Variants in LRRC75A observed in about 807,000 individuals in gnomAD.
The protein encoded by LRRC75A is leucine rich repeat containing 75A.
A neutral mutation model predicts 26.0 loss-of-function variants in LRRC75A; 12 were observed. The observed-to-expected ratio is 0.46, with a 90% confidence interval of 0.30 to 0.75. LRRC75A has a LOEUF of 0.75. Among genes scored for constraint, LRRC75A ranks in the 30% least tolerant of loss-of-function variants. The pLI, the probability that LRRC75A is intolerant of heterozygous loss-of-function variation, is 0.08. For missense variants in LRRC75A, 410 were observed against 486.6 expected (o/e 0.84, Z 1.48); for synonymous variants, 223 against 219.3 (o/e 1.02, Z -0.15).
intron 1 of LRRC75A, among the ~76,000 whole-genome samples, chr17:16,490,219 T>C (rs2093854607): frequency 6.6e-6 from 1 of 152,156 alleles, no homozygotes; most frequent in South Asian, 2.1e-4. Flanking sequence ...AAAGCACCCA[T>C]TGCAGGGTGG....
intron 2 of LRRC75A, among the ~76,000 whole-genome samples, chr17:16,453,343 C>T (rs1443779097): frequency 1.4e-5 from 2 of 141,160 alleles, no homozygotes; most frequent in African/African-American, 5.1e-5. Context: ...CGCACACACG[C>T]ACACGCACAC....
At position 16,491,727 on chromosome 17, in the gene LRRC75A, C is replaced by A; in HGVS notation, c.246+18G>T. The A allele has an allele frequency of 7.5e-7, 1 of 1,330,260 alleles. No individual in the cohort carries two copies. Among genetic ancestry groups the A allele is most frequent in the Non-Finnish European group, 9.6e-7 (1 of 1,045,276 alleles). 82.4% of individuals were successfully genotyped at this position (1,330,260 alleles called of 1,614,324 possible). A position where few individuals can be genotyped will look rare whatever the true frequency, so the allele number is the denominator to read the frequency against. On this transcript the variant is annotated intron_variant, in intron 1 of 3. Coordinates refer to ENST00000470794, the MANE Select transcript of LRRC75A (RefSeq NM_001113567.3). This position sits in a 1 kb window ranked among gnomAD's most constrained non-coding sequence, Gnocchi z 5.9. ...CCCCTGGCCCGGCGCGCCCCCCGCGCCCCCTCCCCGCGCTCACCTGGCGCA... is the reference window on the plus strand; with the variant it reads ...CCCCTGGCCCGGCGCGCCCCCCGCGACCCCTCCCCGCGCTCACCTGGCGCA...
At chr17:16,446,053 C>T (rs1028747250) in intron 3 of LRRC75A, among the ~76,000 whole-genome samples, 3 of 152,284 alleles carry the variant, frequency 2.0e-5, no homozygotes, top group East Asian at 1.9e-4. Flanking sequence ...GGATTACAGG[C>T]GTGCAACATC....
intron 1 of LRRC75A, among the ~76,000 whole-genome samples, chr17:16,470,962 T>C (rs2093803895): frequency 6.6e-6 from 1 of 152,174 alleles, no homozygotes; most frequent in African/African-American, 2.4e-5. Flanking sequence ...CACAGACCTA[T>C]GCACCTAATG....
chr17:16,491,804 G>A lies in LRRC75A; in HGVS notation c.187C>T (p.Arg63Trp). ...RRVGMVQELL[R>W]MVRQGRREEA... ...TCCCGCCGGCCCTGGCGCACCATCC[G>A]CAGCAGCTCCTGGACCATGCCGACT... Residue 63 changes from arginine (R) to tryptophan (W), a missense_variant, in exon 1 of 4, where the codon CGG becomes TGG. Coordinates refer to ENST00000470794, the MANE Select transcript of LRRC75A (RefSeq NM_001113567.3). The surrounding 1 kb of genome is among the most constrained non-coding windows in gnomAD (Gnocchi z 5.9). 1.4e-6 allele frequency: 2 copies of A among 1,435,968 alleles called. No homozygotes were observed. The highest frequency in any genetic ancestry group is 1.8e-6 in the Non-Finnish European group (2 of 1,095,804). 89.0% of individuals were successfully genotyped at this position (1,435,968 alleles called of 1,614,324 possible).
intron 1 of LRRC75A, among the ~76,000 whole-genome samples, chr17:16,466,079 G>A (rs1357172579): frequency 6.6e-6 from 1 of 152,250 alleles, no homozygotes; most frequent in African/African-American, 2.4e-5. Flanking sequence ...CCCACAGGAT[G>A]CTTGTGCTAA....
intron 2 of LRRC75A, among the ~76,000 whole-genome samples, chr17:16,450,482 G>T (rs780458569): frequency 6.6e-6 from 1 of 152,170 alleles, no homozygotes; most frequent in South Asian, 2.1e-4. Flanking sequence ...GAATAAGCTT[G>T]TATCACCTGC....
chr17:16,449,868 TG>T (rs1008160149), intron 2 of LRRC75A, among the ~76,000 whole-genome samples: 1 of 152,136 alleles, frequency 6.6e-6, no homozygotes, highest in African/African-American at 2.4e-5. Context: ...CCACCCGCCT[TG>T]GCCTCCCAAA....
chr17:16,453,332 A>ACG (rs1461865720), intron 2 of LRRC75A, among the ~76,000 whole-genome samples: 1 of 134,240 alleles, frequency 7.4e-6, no homozygotes, highest in African/African-American at 3.0e-5. Flanking sequence ...ACACACGCAC[A>ACG]CGCACACACG....
At chr17:16,469,824 C>T (rs1402325896) in intron 1 of LRRC75A, among the ~76,000 whole-genome samples, 1 of 152,200 alleles carries the variant, frequency 6.6e-6, no homozygotes, top group Admixed American at 6.5e-5. Context: ...GTTGCTGTCT[C>T]TGAACCGATG....
At chr17:16,485,019 C>G (rs1020438938) in intron 1 of LRRC75A, among the ~76,000 whole-genome samples, 2 of 151,382 alleles carry the variant, frequency 1.3e-5, no homozygotes, top group African/African-American at 4.9e-5. Flanking sequence ...GGGCACTGCT[C>G]AGGGCCGGGT....
intron 1 of LRRC75A, among the ~76,000 whole-genome samples, chr17:16,468,413 G>A (rs372443746): frequency 1.3e-5 from 2 of 152,222 alleles, no homozygotes; most frequent in Admixed American, 6.5e-5. Flanking sequence ...CTACAGCATG[G>A]TGAACCTTGA....
chr17:16,455,016 T>C (rs1380362603), intron 2 of LRRC75A, among the ~76,000 whole-genome samples: 1 of 151,918 alleles, frequency 6.6e-6, no homozygotes, highest in Non-Finnish European at 1.5e-5. Context: ...CATTGCAACC[T>C]CCGTCTCCCA....
intron 1 of LRRC75A, among the ~76,000 whole-genome samples, chr17:16,484,955 A>G (rs1601204241): frequency 6.7e-6 from 1 of 148,466 alleles, no homozygotes; most frequent in Admixed American, 6.6e-5. Flanking sequence ...GTCTGAGCTA[A>G]TAAAAGTTAA....
rs537077692 is a variant in LRRC75A, at chr17:16,457,345, T to C, written c.375+4913A>G. On this transcript the variant is annotated intron_variant, in intron 2 of 3. Coordinates refer to ENST00000470794, the MANE Select transcript of LRRC75A (RefSeq NM_001113567.3). ...TTTCCTCTTGCCCCACAGTCCACTCTGCCCTTCTCTGCTCAGAAGGCTGGG... is the reference window on the plus strand; with the variant it reads ...TTTCCTCTTGCCCCACAGTCCACTCCGCCCTTCTCTGCTCAGAAGGCTGGG... 2.0e-5 allele frequency among the ~76,000 whole-genome samples: 3 copies of C among 152,348 alleles called. No homozygotes were observed. In the South Asian group the frequency reaches 6.2e-4, roughly 32 times the overall value.
chr17:16,490,619 A>AC (rs2093855310), intron 1 of LRRC75A, among the ~76,000 whole-genome samples: 1 of 152,104 alleles, frequency 6.6e-6, no homozygotes, highest in Non-Finnish European at 1.5e-5. Flanking sequence ...AAAGGTGGGG[A>AC]AGAGTGCTGC....
At chr17:16,459,276 C>A (rs1434572982) in intron 2 of LRRC75A, among the ~76,000 whole-genome samples, 4 of 152,116 alleles carry the variant, frequency 2.6e-5, no homozygotes, top group Non-Finnish European at 5.9e-5. Flanking sequence ...GTAAGTAAAA[C>A]AGAGAAACGA....
At chr17:16,450,641 C>T (rs769545539) in intron 2 of LRRC75A, among the ~76,000 whole-genome samples, 18 of 152,244 alleles carry the variant, frequency 1.2e-4, no homozygotes, top group Non-Finnish European at 1.5e-5. Context: ...CTAGACTTAG[C>T]TTCTTGCTGA....
intron 2 of LRRC75A, among the ~76,000 whole-genome samples, chr17:16,455,708 C>T (rs2093671830): frequency 6.6e-6 from 1 of 152,108 alleles, no homozygotes; most frequent in African/African-American, 2.4e-5. Flanking sequence ...TATTAATAAC[C>T]CCGCTTTACA....
Sources: gnomAD v4.1 joint callset for allele counts (sites outside exome capture counted in the v4.1 genomes callset) on GRCh38, gnomAD v4.1.1 for gene constraint, Gnocchi (gnomAD v3.1) non-coding constraint, MANE v1.5 for transcripts, NCBI Gene and HGNC (gene_info 2026-07-23, HGNC 2026-07-21) for gene names.